Variants in LRRK2 observed in about 807,000 individuals in gnomAD.
The protein encoded by LRRK2 is leucine rich repeat kinase 2.
In LRRK2, 203 loss-of-function variants were observed where a neutral mutation model predicts 302.6. The observed-to-expected ratio is 0.67, with a 90% CI of 0.60 to 0.75. The LOEUF (loss-of-function observed/expected upper bound fraction) is 0.75. LRRK2 is among the 30% of genes least tolerant of loss of function. The probability of loss-of-function intolerance (pLI) is 0.00; values close to 1 mark genes in which losing one functional copy is unlikely to be tolerated. For synonymous variants in LRRK2, 1,066 were observed against 1,031.9 expected, an observed-to-expected ratio of 1.03 and a Z score of -0.63; for missense variants, 2,830 against 2,951.0, an observed-to-expected ratio of 0.96 and a Z score of 0.95.
intron 4 of LRRK2, 62 bp downstream of exon 4, chr12:40,235,776 T>A (rs1592140135): frequency 2.4e-6 from 2 of 841,942 alleles, no homozygotes; most frequent in Non-Finnish European, 3.9e-6. Context: ...TACCATTAAG[T>A]AAATGTGTGT....
rs1839453412 is a variant in LRRK2, at chr12:40,306,044, A to T, written c.3959+78A>T. 15 of 1,088,850 alleles carry T rather than the reference A, an allele frequency of 1.4e-5. No homozygotes were observed. The South Asian group carries it at 2.2e-4, about 16-fold the overall frequency. The allele number at this position is 1,088,850 out of a possible 1,614,324, so 67.4% of individuals were successfully genotyped here. A position where few individuals can be genotyped will look rare whatever the true frequency, so the allele number is the denominator to read the frequency against. On this transcript the variant is annotated intron_variant, in intron 28 of 50. Coordinates refer to ENST00000298910, the MANE Select transcript of LRRK2 (RefSeq NM_198578.4). ...CTCTCTGTGACTTTGATGGACATAT[A>T]TTGTTACTATTTAGGGAAAAATAAA... is the stretch of plus-strand genomic sequence containing the variant.
Position 40,306,922 on chromosome 12 carries a change from C to T in LRRK2, c.3959+956C>T, listed in dbSNP as rs1001213557. Among the ~76,000 whole-genome samples the T allele has an allele frequency of 4.6e-5, 7 of 152,014 alleles. No individual in the cohort carries two copies. The East Asian group carries it at 1.4e-3, about 29-fold the overall frequency. On this transcript the variant is annotated intron_variant, in intron 28 of 50. Coordinates refer to ENST00000298910, the MANE Select transcript of LRRK2 (RefSeq NM_198578.4). ...TAATTGTGGCTACCCTTCATCCTACCCAATTATTTTTCTCTCTTGAAACTG... is the reference window on the plus strand; with the variant it reads ...TAATTGTGGCTACCCTTCATCCTACTCAATTATTTTTCTCTCTTGAAACTG...
intron 5 of LRRK2, among the ~76,000 whole-genome samples, chr12:40,238,826 G>A (rs1167864989): frequency 6.6e-6 from 1 of 152,184 alleles, no homozygotes; most frequent in Non-Finnish European, 1.5e-5. Context: ...TTCCCAGAAT[G>A]GGATAGATCA....
chr12:40,356,187 G>T lies in LRRK2; in HGVS notation c.6843G>T (p.Lys2281Asn). The T allele has an allele frequency of 6.2e-7, 1 of 1,606,792 alleles. No individual in the cohort carries two copies. The change falls in exon 46 of 51, where the codon AAG becomes AAT. Residue 2281 changes from lysine to asparagine, a missense_variant and splice_region_variant. This residue lies in a region of LRRK2 where 456 missense variants were observed against 456.3 expected (regional missense o/e 1.00). Transcript: ENST00000298910. ...KLAIFEDKTV[K>N]LKGAAPLKIL... ...CAATTTTTGAAGATAAGACTGTTAA[G>T]GTAAATGTTGAATGCATTCTACATC...
intron 18 of LRRK2, 142 bp from the exon 19 acceptor site, chr12:40,283,733 A>C: frequency 1.5e-6 from 1 of 661,166 alleles, no homozygotes. Flanking sequence ...CAATCTATTC[A>C]AGGATCAGTT....
At position 40,225,191 on chromosome 12, in the gene LRRK2, A is replaced by C; in HGVS notation, c.60A>C (p.Ile20=). The C allele has an allele frequency of 6.2e-7, 1 of 1,614,204 alleles. No homozygotes were observed. The highest frequency in any genetic ancestry group is 8.5e-7 in the Non-Finnish European group (1 of 1,180,014). ...ACGAGGAAACTCTGAAGAAGTTGAT[A>C]GTCAGGCTGAACAATGTCCAGGAAG... The part of the protein sequence containing the change: ...EEDEETLKKL[I]VRLNNVQEGK... Residue 20 remains isoleucine, a synonymous_variant, in exon 1 of 51, where the codon ATA becomes ATC. Coordinates refer to ENST00000298910, the MANE Select transcript of LRRK2 (RefSeq NM_198578.4).
intron 39 of LRRK2, among the ~76,000 whole-genome samples, chr12:40,331,597 CA>C (rs11461395): frequency 1.1e-4 from 16 of 150,448 alleles, no homozygotes; most frequent in South Asian, 2.1e-4. Flanking sequence ...AAAAAAATTA[CA>C]AAAAAAAAAT....
At chr12:40,323,052 G>A in intron 37 of LRRK2, 108 bp from the exon 38 acceptor site, 1 of 901,804 alleles carries the variant, frequency 1.1e-6, no homozygotes, top group Non-Finnish European at 1.8e-6. Context: ...GAAAGGGAGG[G>A]ATTAGAAATT....
chr12:40,288,074 G>A (rs1943998076), intron 20 of LRRK2, among the ~76,000 whole-genome samples: 1 of 151,838 alleles, frequency 6.6e-6, no homozygotes, highest in South Asian at 2.1e-4. Context: ...GATTAGGGCT[G>A]ATGTATTTAG....
rs770051676 is a variant in LRRK2 at position 40,240,679 on chromosome 12, T to C, written c.706+62T>C. On this transcript the variant is annotated intron_variant, in intron 6 of 50. Coordinates refer to ENST00000298910, the MANE Select transcript of LRRK2 (RefSeq NM_198578.4). ...TGAAAAATTACAATATATCTCATTC[T>C]GAGTATATTTTAACAATATTTTTAT... 5.0e-5 allele frequency: 72 copies of C among 1,441,744 alleles called. 1 individual carries two copies. Among genetic ancestry groups the C allele is most frequent in the South Asian group, 2.4e-4 (20 of 84,530 alleles). 89.3% of individuals were successfully genotyped at this position (1,441,744 alleles called of 1,614,324 possible).
At chr12:40,363,310 T>TACA in intron 47 of LRRK2, 92 bp from the exon 48 acceptor site, 1 of 623,348 alleles carries the variant, frequency 1.6e-6, no homozygotes, top group Non-Finnish European at 2.3e-6. Flanking sequence ...AATAGTGTTT[T>TACA]TACATTAAGA....
chr12:40,363,410 A>T lies in LRRK2; in HGVS notation c.7037A>T (p.Tyr2346Phe), dbSNP rs75695264. 1 of 1,611,350 alleles carries T rather than the reference A, an allele frequency of 6.2e-7. No homozygotes were observed. Among genetic ancestry groups the T allele is most frequent in the Non-Finnish European group, 8.5e-7 (1 of 1,178,316 alleles). Residue 2346 changes from tyrosine to phenylalanine, a missense_variant, in exon 48 of 51, where the codon TAT becomes TTT. Transcript: ENST00000298910. ...IETRTSQLFSYAAFSDSNIIT... is the reference protein window; with the variant it reads ...IETRTSQLFSFAAFSDSNIIT... ...TTTTTTTTTCTCTGTAGGTTTTCTT[A>T]TGCAGCTTTCAGTGATTCCAACATC...
intron 6 of LRRK2, among the ~76,000 whole-genome samples, chr12:40,241,232 G>A (rs189468887): frequency 9.1e-4 from 138 of 152,308 alleles, no homozygotes; most frequent in African/African-American, 2.9e-3. Context: ...AGGCAAGGGA[G>A]AGCTTGATAA....
Position 40,291,307 on chromosome 12 carries a change from A to G in LRRK2, c.2690-2238A>G, listed in dbSNP as rs904668602. Among the ~76,000 whole-genome samples the G allele has an allele frequency of 1.8e-4, 28 of 152,052 alleles. No homozygotes were observed. In the East Asian group the frequency reaches 2.7e-3, roughly 15 times the overall value. On this transcript the variant is annotated intron_variant, in intron 20 of 50. Coordinates refer to ENST00000298910, the MANE Select transcript of LRRK2 (RefSeq NM_198578.4). ...GGTGGGGGGAAGGGGGAGGGATAGC[A>G]TTAGGAGATACACCTAATGTAAATG...
At chr12:40,258,255 T>G (rs1471465683) in intron 12 of LRRK2, among the ~76,000 whole-genome samples, 3 of 152,194 alleles carry the variant, frequency 2.0e-5, no homozygotes, top group Non-Finnish European at 4.4e-5. Context: ...ATGAAGTGCA[T>G]ATAGCATGAA....
chr12:40,236,855 G>A (rs373622326), intron 4 of LRRK2, among the ~76,000 whole-genome samples: 1 of 151,998 alleles, frequency 6.6e-6, no homozygotes, highest in Admixed American at 6.6e-5. Flanking sequence ...CCCTTGGGAG[G>A]TATTTTTTTT....
intron 18 of LRRK2, among the ~76,000 whole-genome samples, chr12:40,281,174 C>T (rs184569843): frequency 7.2e-5 from 11 of 152,276 alleles, no homozygotes; most frequent in African/African-American, 2.6e-4. Context: ...CACCTGGGCA[C>T]TGCTCCAAAT....
intron 19 of LRRK2, among the ~76,000 whole-genome samples, chr12:40,285,473 A>G (rs1349711486): frequency 6.6e-6 from 1 of 152,016 alleles, no homozygotes; most frequent in African/African-American, 2.4e-5. Context: ...AACATGCTTC[A>G]TATATTGATA....
At chr12:40,225,347 A>G (rs1361869703) in intron 1 of LRRK2, 65 bp downstream of exon 1, 6 of 1,580,846 alleles carry the variant, frequency 3.8e-6, no homozygotes, top group Non-Finnish European at 5.2e-6. Context: ...TTACATTTGC[A>G]AATTTTGTCC....
Sources: gnomAD v4.1 joint callset for allele counts (sites outside exome capture counted in the v4.1 genomes callset) on GRCh38, gnomAD v4.1.1 for gene constraint, gnomAD v4.1.1 regional missense constraint, MANE v1.5 for transcripts, NCBI Gene and HGNC (gene_info 2026-07-23, HGNC 2026-07-21) for gene names.